Variants in ARHGAP24 observed in about 807,000 individuals in gnomAD.
ARHGAP24 encodes the protein rho GTPase-activating protein 24.
Under a neutral mutation model 76.4 loss-of-function variants are expected in ARHGAP24, and 50 were observed. The observed-to-expected ratio is 0.65, with a 90% CI of 0.52 to 0.83. The LOEUF (loss-of-function observed/expected upper bound fraction) is 0.83, where lower values mean the gene tolerates loss of function less well. Ranked by LOEUF, ARHGAP24 falls within the 40% of genes least tolerant of loss-of-function variation. The pLI, the probability that ARHGAP24 is intolerant of heterozygous loss-of-function variation, is 0.00. For missense variants in ARHGAP24, 930 were observed against 914.2 expected (o/e 1.02, Z -0.22); for synonymous variants, 345 against 323.3 (o/e 1.07, Z -0.72).
chr4:85,774,192 A>G (rs907984580), intron 3 of ARHGAP24, among the ~76,000 whole-genome samples: 2 of 152,116 alleles, frequency 1.3e-5, no homozygotes, highest in Non-Finnish European at 2.9e-5. Flanking sequence ...ATCCAACAAT[A>G]TGTTTGAGTC....
intron 2 of ARHGAP24, among the ~76,000 whole-genome samples, chr4:85,581,262 CTT>C: frequency 6.6e-6 from 1 of 152,138 alleles, no homozygotes; most frequent in South Asian, 2.1e-4. Flanking sequence ...TCTCTTCTGA[CTT>C]ATTGTTTATG....
intron 1 of ARHGAP24, among the ~76,000 whole-genome samples, chr4:85,499,022 C>T (rs978830769): frequency 3.3e-5 from 5 of 152,144 alleles, no homozygotes; most frequent in South Asian, 2.1e-4. Context: ...AGTTAAGCTC[C>T]TCTCATTTAT....
intron 5 of ARHGAP24, among the ~76,000 whole-genome samples, chr4:85,964,926 A>G (rs1738487779): frequency 6.6e-6 from 1 of 152,214 alleles, no homozygotes; most frequent in Non-Finnish European, 1.5e-5. Context: ...GTGAATGTAT[A>G]TTAAACTGTC....
Position 85,554,915 on chromosome 4 carries a change from C to T in ARHGAP24, c.-20-15607C>T, listed in dbSNP as rs544116384. Among the ~76,000 whole-genome samples the T allele has an allele frequency of 3.8e-3, 573 of 151,804 alleles. 4 individuals carry two copies. The highest frequency in any genetic ancestry group is 0.013 in the African/African-American group (553 of 41,330). On this transcript the variant is annotated intron_variant, in intron 1 of 9. Coordinates refer to ENST00000395184, the MANE Select transcript of ARHGAP24 (RefSeq NM_001025616.3). The stretch of plus-strand genomic sequence containing the variant: ...CAGGATGTTCTCAATCTCCTGACCT[C>T]GTGATCTGCCCACCTCAGCCTCCCA...
intron 5 of ARHGAP24, among the ~76,000 whole-genome samples, chr4:85,957,930 G>T (rs1261101625): frequency 6.6e-6 from 1 of 152,184 alleles, no homozygotes; most frequent in African/African-American, 2.4e-5. Flanking sequence ...AGAATTGGGA[G>T]TATGAGCTTT....
chr4:85,808,569 A>G, intron 3 of ARHGAP24, among the ~76,000 whole-genome samples: 1 of 152,178 alleles, frequency 6.6e-6, no homozygotes, highest in East Asian at 1.9e-4. Flanking sequence ...CACACATTCT[A>G]CAGTATTACC....
At chr4:85,690,058 T>A (rs1380380570) in intron 2 of ARHGAP24, among the ~76,000 whole-genome samples, 1 of 152,180 alleles carries the variant, frequency 6.6e-6, no homozygotes, top group Non-Finnish European at 1.5e-5. Flanking sequence ...GTAGAGAGTT[T>A]TTATCATGAA....
chr4:85,679,997 T>A (rs1723141585), intron 2 of ARHGAP24, among the ~76,000 whole-genome samples: 1 of 152,174 alleles, frequency 6.6e-6, no homozygotes, highest in Non-Finnish European at 1.5e-5. Flanking sequence ...TAATTTGAAA[T>A]TTTTCCTCTC....
intron 2 of ARHGAP24, among the ~76,000 whole-genome samples, chr4:85,626,690 C>T (rs1459391644): frequency 6.6e-6 from 1 of 152,192 alleles, no homozygotes; most frequent in African/African-American, 2.4e-5. Flanking sequence ...TGGTTCCATT[C>T]TCCCCATCAC....
At chr4:85,630,369 G>C (rs552126685) in intron 2 of ARHGAP24, among the ~76,000 whole-genome samples, 8 of 152,244 alleles carry the variant, frequency 5.3e-5, no homozygotes, top group African/African-American at 1.4e-4. Context: ...GTTGGTGACT[G>C]TTTCTTCATT....
intron 3 of ARHGAP24, among the ~76,000 whole-genome samples, chr4:85,782,063 GA>G (rs71672794): frequency 5.5e-4 from 11 of 20,140 alleles, no homozygotes; most frequent in East Asian, 6.9e-3. Context: ...AAAAAAAAAA[GA>G]AAAAAAAAAC....
intron 2 of ARHGAP24, among the ~76,000 whole-genome samples, chr4:85,672,981 A>G (rs1314658864): frequency 6.6e-6 from 1 of 152,164 alleles, no homozygotes; most frequent in Non-Finnish European, 1.5e-5. Flanking sequence ...GATTTCTTGT[A>G]GGTATTCAAC....
chr4:85,557,159 G>A (rs1726414407), intron 1 of ARHGAP24, among the ~76,000 whole-genome samples: 1 of 152,224 alleles, frequency 6.6e-6, no homozygotes, highest in Non-Finnish European at 1.5e-5. Context: ...AAGAACTCAG[G>A]TGGGGCTGGG....
chr4:85,774,816 A>T (rs184082029), intron 3 of ARHGAP24, among the ~76,000 whole-genome samples: 1 of 152,276 alleles, frequency 6.6e-6, no homozygotes, highest in Non-Finnish European at 1.5e-5. Context: ...TTTTGCCTTC[A>T]TGTTTATGGA....
At chr4:85,600,109 G>A (rs1190886332) in intron 2 of ARHGAP24, among the ~76,000 whole-genome samples, 2 of 152,124 alleles carry the variant, frequency 1.3e-5, no homozygotes, top group Admixed American at 1.3e-4. Context: ...TTTCCTCTAG[G>A]TAGAGAGGTC....
chr4:85,553,690 G>A (rs773593287), intron 1 of ARHGAP24, among the ~76,000 whole-genome samples: 1 of 152,190 alleles, frequency 6.6e-6, no homozygotes, highest in Non-Finnish European at 1.5e-5. Context: ...CAGAAGCCCA[G>A]CTGGCTTCAC....
intron 3 of ARHGAP24, among the ~76,000 whole-genome samples, chr4:85,859,026 G>A (rs953663467): frequency 2.0e-5 from 3 of 151,970 alleles, no homozygotes; most frequent in Non-Finnish European, 4.4e-5. Context: ...GCCATTATCT[G>A]CTTTTGGGTC....
chr4:85,869,279 G>A (rs1392121180), intron 3 of ARHGAP24, among the ~76,000 whole-genome samples: 2 of 152,128 alleles, frequency 1.3e-5, no homozygotes, highest in Non-Finnish European at 2.9e-5. Flanking sequence ...ACAACAAAGG[G>A]CTGCTGCGCT....
intron 3 of ARHGAP24, among the ~76,000 whole-genome samples, chr4:85,866,287 C>T (rs1040100890): frequency 6.6e-6 from 1 of 152,150 alleles, no homozygotes; most frequent in African/African-American, 2.4e-5. Context: ...AGAATAACTT[C>T]TCATGAATCA....
Sources: gnomAD v4.1 joint callset for allele counts (sites outside exome capture counted in the v4.1 genomes callset) on GRCh38, gnomAD v4.1.1 for gene constraint, MANE v1.5 for transcripts, NCBI Gene and HGNC (gene_info 2026-07-23, HGNC 2026-07-21) for gene names.